Variants in DAAM1 observed in about 807,000 individuals in gnomAD.
The protein encoded by DAAM1 is dishevelled associated activator of morphogenesis 1.
A neutral mutation model predicts 130.0 loss-of-function variants in DAAM1; 52 were observed. That is an observed-to-expected ratio of 0.40 (90% CI 0.32 to 0.50). DAAM1 has a LOEUF of 0.50. Among genes scored for constraint, DAAM1 ranks in the 20% least tolerant of loss-of-function variants. DAAM1 has a pLI of 0.61. For missense variants in DAAM1, 1,134 were observed against 1,303.8 expected (o/e 0.87, Z 2.01); for synonymous variants, 452 against 444.5 (o/e 1.02, Z -0.21).
intron 1 of DAAM1, among the ~76,000 whole-genome samples, chr14:59,243,444 C>A (rs1358109459): frequency 1.3e-5 from 2 of 152,192 alleles, no homozygotes; most frequent in African/African-American, 2.4e-5. Context: ...TTACAAGGTT[C>A]TTCTACTCAG....
At chr14:59,241,504 G>A (rs987311170) in intron 1 of DAAM1, among the ~76,000 whole-genome samples, 1 of 152,174 alleles carries the variant, frequency 6.6e-6, no homozygotes, top group East Asian at 1.9e-4. Context: ...GTAGTTGATA[G>A]CTTACCAGTT....
chr14:59,199,407 T>G (rs1192386975), intron 1 of DAAM1, among the ~76,000 whole-genome samples: 1 of 152,190 alleles, frequency 6.6e-6, no homozygotes, highest in Non-Finnish European at 1.5e-5. Flanking sequence ...TGATCACCAC[T>G]TTAAACTGGA....
At chr14:59,293,235 A>G (rs1883819544) in intron 3 of DAAM1, among the ~76,000 whole-genome samples, 1 of 152,230 alleles carries the variant, frequency 6.6e-6, no homozygotes, top group Admixed American at 6.5e-5. Flanking sequence ...ACTGAAGGGA[A>G]AGTTTTCTTC....
intron 3 of DAAM1, among the ~76,000 whole-genome samples, chr14:59,302,902 C>A (rs547554672): frequency 6.6e-6 from 1 of 152,190 alleles, no homozygotes; most frequent in Non-Finnish European, 1.5e-5. Flanking sequence ...GATCTACCCG[C>A]CTTGGCCTCC....
chr14:59,335,838 A>G (rs940259335), intron 15 of DAAM1, among the ~76,000 whole-genome samples: 18 of 152,200 alleles, frequency 1.2e-4, no homozygotes, highest in Admixed American at 7.9e-4. Context: ...AGAGCATTCA[A>G]TGATACCTTC....
At chr14:59,217,959 C>T (rs1175297009) in intron 1 of DAAM1, among the ~76,000 whole-genome samples, 3 of 149,688 alleles carry the variant, frequency 2.0e-5, no homozygotes, top group East Asian at 2.0e-4. Context: ...GGCGACAGAG[C>T]GACTCTGTCT....
intron 9 of DAAM1, 113 bp downstream of exon 9, chr14:59,325,843 A>G: frequency 6.6e-7 from 1 of 1,520,440 alleles, no homozygotes; most frequent in Non-Finnish European, 9.1e-7. Flanking sequence ...GCAAACTCAA[A>G]GCTCTATTTT....
At chr14:59,267,260 G>A (rs966229173) in intron 2 of DAAM1, among the ~76,000 whole-genome samples, 2 of 152,152 alleles carry the variant, frequency 1.3e-5, no homozygotes, top group East Asian at 1.9e-4. Context: ...CTCATTTGAT[G>A]TTTTTAAAAG....
At chr14:59,225,190 G>A (rs1219909447) in intron 1 of DAAM1, among the ~76,000 whole-genome samples, 5 of 152,018 alleles carry the variant, frequency 3.3e-5, no homozygotes, top group African/African-American at 7.2e-5. Context: ...ACCAGGCCCA[G>A]CTAATTTTTG....
chr14:59,362,747 C>T (rs911214176), intron 22 of DAAM1: 15 of 152,066 alleles, frequency 9.9e-5, no homozygotes, highest in African/African-American at 3.6e-4. Flanking sequence ...TGACTACGCT[C>T]CTGCTTGTGA....
intron 2 of DAAM1, among the ~76,000 whole-genome samples, chr14:59,269,648 GCTGTTCA>G (rs1882621334): frequency 6.6e-6 from 1 of 152,224 alleles, no homozygotes; most frequent in South Asian, 2.1e-4. Flanking sequence ...GAAGGAGGGT[GCTGTTCA>G]CTAACACCTA....
At chr14:59,292,396 C>A (rs78271461) in intron 3 of DAAM1, among the ~76,000 whole-genome samples, 9,903 of 152,262 alleles carry the variant, frequency 0.065, 420 homozygotes, top group Non-Finnish European at 0.097. Context: ...CATCTGCCCC[C>A]CTTTGCTATC....
At chr14:59,317,874 T>G (rs1396574310) in intron 4 of DAAM1, among the ~76,000 whole-genome samples, 1 of 152,208 alleles carries the variant, frequency 6.6e-6, no homozygotes, top group Non-Finnish European at 1.5e-5. Flanking sequence ...AGAGCCCTGG[T>G]TATCCCACCT....
intron 22 of DAAM1, chr14:59,362,264 C>T (rs1286733089): frequency 6.6e-6 from 1 of 152,016 alleles, no homozygotes; most frequent in Non-Finnish European, 1.5e-5. Flanking sequence ...GGGTCATATA[C>T]ACTGCATCAC....
At chr14:59,275,183 C>T (rs759483151) in intron 2 of DAAM1, among the ~76,000 whole-genome samples, 8 of 152,316 alleles carry the variant, frequency 5.3e-5, no homozygotes, top group South Asian at 2.1e-4. Context: ...TGTCACTTTA[C>T]AGCTGGTGCT....
At chr14:59,266,329 G>A (rs1481373755) in intron 2 of DAAM1, among the ~76,000 whole-genome samples, 1 of 152,132 alleles carries the variant, frequency 6.6e-6, no homozygotes, top group Non-Finnish European at 1.5e-5. Context: ...AGAGCTGGTA[G>A]GCAGAGCTGG....
At chr14:59,279,545 T>C (rs1370690225) in intron 2 of DAAM1, among the ~76,000 whole-genome samples, 4 of 152,138 alleles carry the variant, frequency 2.6e-5, no homozygotes, top group African/African-American at 9.7e-5. Flanking sequence ...ATCCAGCTGT[T>C]TTGTAACTAA....
intron 1 of DAAM1, among the ~76,000 whole-genome samples, chr14:59,240,439 A>G (rs1881053462): frequency 6.6e-6 from 1 of 152,138 alleles, no homozygotes; most frequent in Non-Finnish European, 1.5e-5. Context: ...CAGAAATCCC[A>G]TTGGAATTGG....
intron 1 of DAAM1, among the ~76,000 whole-genome samples, chr14:59,251,527 G>A (rs568627928): frequency 2.6e-5 from 4 of 152,044 alleles, no homozygotes; most frequent in African/African-American, 9.7e-5. Context: ...GGGAGGTCGG[G>A]CAAGTTCTGA....
Sources: allele counts gnomAD v4.1 joint callset (sites outside exome capture counted in the v4.1 genomes callset), GRCh38; gene constraint gnomAD v4.1.1; transcripts MANE v1.5; gene names NCBI Gene and HGNC (gene_info 2026-07-23, HGNC 2026-07-21).